The following SPACA6 variants were observed in gnomAD, a reference collection of about 807,000 sequenced individuals.
The protein encoded by SPACA6 is sperm acrosome associated 6.
For missense variants in SPACA6, 8 were observed against 2.8 expected (o/e 2.88, Z -1.34); for synonymous variants, 6 against 1.5 (o/e 4.05, Z -2.21).
chr19:51,697,406 G>A (rs1275974678), intron 2 of SPACA6, among the ~76,000 whole-genome samples: 9 of 152,172 alleles, frequency 5.9e-5, no homozygotes, highest in African/African-American at 1.9e-4. Context: ...ATTTGACCGT[G>A]TGCCAGGCTT....
At chr19:51,704,771 A>C in intron 8 of SPACA6, 2 of 310,766 alleles carry the variant, frequency 6.4e-6, no homozygotes, top group Non-Finnish European at 1.1e-5. Context: ...CCAGGCCCCA[A>C]ACCCCTACTC....
the SPACA6 span, among the ~76,000 whole-genome samples, chr19:51,683,146 G>C: frequency 1.3e-5 from 2 of 152,154 alleles, no homozygotes; most frequent in African/African-American, 4.8e-5. Flanking sequence ...AGGCCCCTTG[G>C]TTTCTTGTTC....
rs1600142943 is a variant in SPACA6, at chr19:51,703,355, C to T, written c.573+18C>T. ...GAGGAGGTGTGAGTCGGGGCGGGGC[C>T]GGCGCGAAGAGTTTAGACGGGCGAG... On this transcript the variant is annotated intron_variant, in intron 6 of 8. Coordinates refer to ENST00000637797, the MANE Select transcript of SPACA6 (RefSeq NM_001316972.2). The surrounding 1 kb of genome is among the most constrained non-coding windows in gnomAD (Gnocchi z 4.2). The T allele has an allele frequency of 1.0e-5, 4 of 399,130 alleles. No homozygotes were observed. In the East Asian group the frequency reaches 1.4e-4, roughly 14 times the overall value. 24.7% of individuals were successfully genotyped at this position (399,130 alleles called of 1,614,324 possible). A position where few individuals can be genotyped will look rare whatever the true frequency, so the allele number is the denominator to read the frequency against.
Position 51,703,224 on chromosome 19 carries a change from T to C in SPACA6, c.464-4T>C. On this transcript the variant is annotated splice_polypyrimidine_tract_variant and splice_region_variant and intron_variant, in intron 5 of 8. Coordinates refer to ENST00000637797, the MANE Select transcript of SPACA6 (RefSeq NM_001316972.2). The surrounding 1 kb of genome is among the most constrained non-coding windows in gnomAD (Gnocchi z 4.2). Reference sequence around the variant, plus strand: ...CCAGCGAGTGAACCCTGCTCCGTCTTCAGTTCAGGATGTGACAGTGACTCG... The same window carrying C: ...CCAGCGAGTGAACCCTGCTCCGTCTCCAGTTCAGGATGTGACAGTGACTCG... 1 of 399,420 alleles carries C rather than the reference T, an allele frequency of 2.5e-6. No individual in the cohort carries two copies. The highest frequency in any genetic ancestry group is 4.4e-6 in the Non-Finnish European group (1 of 226,142). The allele number at this position is 399,420 out of a possible 1,614,324, so 24.7% of individuals were successfully genotyped here.
intron 2 of SPACA6, among the ~76,000 whole-genome samples, chr19:51,711,778 C>CA (rs34803450): frequency 0.3 from 44,953 of 151,540 alleles, 6,826 homozygotes; most frequent in South Asian, 0.41. Context: ...AAGGAAGTCA[C>CA]AAAAAAAAGC....
upstream of SPACA6, chr19:51,686,118 G>A (rs1271822177): frequency 6.6e-6 from 1 of 151,368 alleles, no homozygotes; most frequent in Non-Finnish European, 1.5e-5. Context: ...GAGAATGAAG[G>A]AACCAGTGGT....
At chr19:51,702,959 G>C in intron 4 of SPACA6, 62 bp from the exon 5 acceptor site, 1 of 399,120 alleles carries the variant, frequency 2.5e-6, no homozygotes, top group Admixed American at 4.4e-5. Flanking sequence ...ATCTCAAATG[G>C]GCCAAGGGCC....
downstream of SPACA6, among the ~76,000 whole-genome samples, chr19:51,708,653 C>T (rs2083527467): frequency 6.6e-6 from 1 of 152,020 alleles, no homozygotes; most frequent in Admixed American, 6.6e-5. Flanking sequence ...ATGGTGAAAC[C>T]CTGTCTCTAC....
upstream of SPACA6, chr19:51,692,749 T>A (rs1425437018): frequency 1.9e-6 from 1 of 532,020 alleles, no homozygotes; most frequent in Non-Finnish European, 3.9e-6. This position sits in a 1 kb window ranked among gnomAD's most constrained non-coding sequence, Gnocchi z 5.6. Flanking sequence ...CTGGTCCCTG[T>A]CTGTCTGTCT....
chr19:51,696,836 C>T (rs774566145), intron 2 of SPACA6, among the ~76,000 whole-genome samples: 6 of 152,082 alleles, frequency 3.9e-5, no homozygotes, highest in Non-Finnish European at 7.4e-5. Context: ...ACAGTGACAG[C>T]GACAGCCATG....
At chr19:51,692,490 T>C, upstream of SPACA6, 1 of 407,424 alleles carries the variant, frequency 2.5e-6, no homozygotes, top group Non-Finnish European at 4.8e-6. The surrounding 1 kb of genome is among the most constrained non-coding windows in gnomAD (Gnocchi z 5.6). Context: ...GACTTCTGGG[T>C]TCTTTAGGGA....
downstream of SPACA6, among the ~76,000 whole-genome samples, chr19:51,706,302 CT>C (rs2083515506): frequency 2.0e-5 from 3 of 151,724 alleles, no homozygotes; most frequent in South Asian, 6.2e-4. Flanking sequence ...TTTTTTTTGT[CT>C]AGTTAACTCT....
chr19:51,683,883 C>T, the SPACA6 span, among the ~76,000 whole-genome samples: 1 of 152,344 alleles, frequency 6.6e-6, no homozygotes, highest in Non-Finnish European at 1.5e-5. Context: ...CATCGGGCTT[C>T]AGAATCTGTG....
At chr19:51,694,270 C>T in intron 1 of SPACA6, 1 of 313,674 alleles carries the variant, frequency 3.2e-6, no homozygotes. Flanking sequence ...CTAGGGGAAG[C>T]AGGATAGCGA....
At chr19:51,695,401 A>G (rs12462673) in intron 2 of SPACA6, among the ~76,000 whole-genome samples, 7,434 of 152,296 alleles carry the variant, frequency 0.049, 262 homozygotes, top group South Asian at 0.12. Flanking sequence ...GCCCTGCGCT[A>G]TAGAATAAAC....
chr19:51,698,466 T>G (rs947228395), intron 2 of SPACA6, among the ~76,000 whole-genome samples: 1 of 152,150 alleles, frequency 6.6e-6, no homozygotes. Context: ...ACCCTGCCCA[T>G]GAGTCATTTG....
At chr19:51,692,834 A>T, upstream of SPACA6, 1 of 534,286 alleles carries the variant, frequency 1.9e-6, no homozygotes, top group Non-Finnish European at 3.8e-6. This position sits in a 1 kb window ranked among gnomAD's most constrained non-coding sequence, Gnocchi z 5.6. Context: ...ACCCAAGGAG[A>T]TCACTATACG....
At chr19:51,707,514 G>A (rs776650195), downstream of SPACA6, among the ~76,000 whole-genome samples, 9 of 152,050 alleles carry the variant, frequency 5.9e-5, no homozygotes, top group African/African-American at 1.2e-4. Context: ...GAGCCACCGC[G>A]CCTGGCCAGA....
intron 2 of SPACA6, among the ~76,000 whole-genome samples, chr19:51,696,474 G>T (rs925447773): frequency 6.6e-6 from 1 of 152,012 alleles, no homozygotes; most frequent in Non-Finnish European, 1.5e-5. Flanking sequence ...TTGAGATAGG[G>T]TCTCACTTTG....
Sources: allele counts gnomAD v4.1 joint callset (sites outside exome capture counted in the v4.1 genomes callset), GRCh38; gene constraint gnomAD v4.1.1; non-coding constraint Gnocchi (gnomAD v3.1); transcripts MANE v1.5; gene names NCBI Gene and HGNC (gene_info 2026-07-23, HGNC 2026-07-21).